GALNT17: variants seen among roughly 807,000 people sequenced by gnomAD.
The protein encoded by GALNT17 is UDP-GalNAc:polypeptide N-acetylgalactosaminyltransferase-like 3.
A neutral mutation model predicts 63.7 loss-of-function variants in GALNT17; 29 were observed. The observed-to-expected ratio is 0.46, with a 90% CI of 0.34 to 0.62. GALNT17 has a LOEUF of 0.62. Among genes scored for constraint, GALNT17 ranks in the 20% least tolerant of loss-of-function variants. The probability of loss-of-function intolerance (pLI) is 0.01; values close to 1 mark genes in which losing one functional copy is unlikely to be tolerated. For missense variants in GALNT17, 603 were observed against 799.6 expected, an observed-to-expected ratio of 0.75 and a Z score of 2.97; for synonymous variants, 305 against 318.3, an observed-to-expected ratio of 0.96 and a Z score of 0.45.
chr7:71,235,655 G>T (rs915687279), intron 1 of GALNT17, among the ~76,000 whole-genome samples: 2 of 152,156 alleles, frequency 1.3e-5, no homozygotes, highest in Non-Finnish European at 2.9e-5. Flanking sequence ...TCCCAGCACC[G>T]CATTCAGGCT....
At position 71,290,750 on chromosome 7, in the gene GALNT17, A is replaced by G. The variant is rs191795334; in HGVS notation, c.239-44800A>G. Among the ~76,000 whole-genome samples the G allele has an allele frequency of 2.6e-5, 4 of 152,210 alleles. No individual in the cohort carries two copies. The East Asian group carries it at 7.7e-4, about 29-fold the overall frequency. ...AAGTTCCATTTGCATGTATTATTCC[A>G]TTCTCTATGATTCCCTGCTGTGGGT... is the stretch of plus-strand genomic sequence containing the variant. On this transcript the variant is annotated intron_variant, in intron 1 of 10. Transcript: ENST00000333538.
At chr7:71,673,867 C>T (rs1302672130) in intron 8 of GALNT17, among the ~76,000 whole-genome samples, 2 of 152,236 alleles carry the variant, frequency 1.3e-5, no homozygotes, top group Non-Finnish European at 2.9e-5. Context: ...AATTCTCCCA[C>T]TTCCGCCTCC....
chr7:71,693,597 G>A (rs1017694038), intron 9 of GALNT17, among the ~76,000 whole-genome samples: 1 of 150,944 alleles, frequency 6.6e-6, no homozygotes, highest in Non-Finnish European at 1.5e-5. Context: ...TCTGAATTAT[G>A]AGAACACGTG....
chr7:71,347,961 T>G (rs1480265669), intron 2 of GALNT17, among the ~76,000 whole-genome samples: 1 of 152,208 alleles, frequency 6.6e-6, no homozygotes, highest in Admixed American at 6.6e-5. Flanking sequence ...AAGTAATTTT[T>G]CCTTGAAAAG....
At chr7:71,372,351 A>G (rs1003157943) in intron 2 of GALNT17, among the ~76,000 whole-genome samples, 1 of 151,720 alleles carries the variant, frequency 6.6e-6, no homozygotes, top group Admixed American at 6.6e-5. Flanking sequence ...TTTTAGTAGA[A>G]ACAGGGTTTT....
Position 71,362,558 on chromosome 7 carries a change from T to A in GALNT17, c.423-25677T>A, listed in dbSNP as rs553513653. On this transcript the variant is annotated intron_variant, in intron 2 of 10. Transcript: ENST00000333538. ...CAAGATTAACAAAGAAATTCATTGATCCCATTTTGCCTCCTTAATGCCTGT... is the reference window on the plus strand; with the variant it reads ...CAAGATTAACAAAGAAATTCATTGAACCCATTTTGCCTCCTTAATGCCTGT... Among the ~76,000 whole-genome samples the A allele has an allele frequency of 2.0e-5, 3 of 152,282 alleles. No individual in the cohort carries two copies. In the East Asian group the frequency reaches 5.8e-4, roughly 29 times the overall value.
At chr7:71,507,622 C>T (rs78031879) in intron 5 of GALNT17, among the ~76,000 whole-genome samples, 3,693 of 152,260 alleles carry the variant, frequency 0.024, 53 homozygotes, top group African/African-American at 0.038. Context: ...TGTCTATAGA[C>T]GCCACTGGGC....
intron 5 of GALNT17, among the ~76,000 whole-genome samples, chr7:71,502,210 A>G (rs527991397): frequency 3.3e-5 from 5 of 152,318 alleles, no homozygotes; most frequent in South Asian, 2.1e-4. Context: ...TGCTGTGTCT[A>G]TTCCTCACCA....
chr7:71,389,153 A>C (rs1793005184), intron 3 of GALNT17, among the ~76,000 whole-genome samples: 1 of 150,648 alleles, frequency 6.6e-6, no homozygotes, highest in Non-Finnish European at 1.5e-5. Context: ...TTTTTTTTTG[A>C]GATGGAGTCT....
chr7:71,545,489 T>C (rs1788967731), intron 5 of GALNT17, among the ~76,000 whole-genome samples: 1 of 152,088 alleles, frequency 6.6e-6, no homozygotes, highest in African/African-American at 2.4e-5. Context: ...GTAGCTGGGA[T>C]TACAGGCACG....
At position 71,143,423 on chromosome 7, in the gene GALNT17, AAAG is replaced by A. The variant is rs1188397023; in HGVS notation, c.238+10386_238+10388del. On this transcript the variant is annotated intron_variant, in intron 1 of 10. Coordinates refer to ENST00000333538, the MANE Select transcript of GALNT17 (RefSeq NM_022479.3). ...AGACTGTCTCAAAAAAAAAAAAAAA[AAAG>A]AAAGAAAAGAAATGGATGCCCTTGA... Among the ~76,000 whole-genome samples the A allele has an allele frequency of 2.6e-3, 396 of 150,944 alleles. 2 individuals carry two copies. The highest frequency in any genetic ancestry group is 4.7e-3 in the Non-Finnish European group (316 of 67,528).
At chr7:71,464,817 G>C (rs758618937) in intron 5 of GALNT17, among the ~76,000 whole-genome samples, 1 of 152,042 alleles carries the variant, frequency 6.6e-6, no homozygotes, top group Non-Finnish European at 1.5e-5. Context: ...GTCTAGTCTT[G>C]TTCTCCCCAG....
intron 6 of GALNT17, among the ~76,000 whole-genome samples, chr7:71,626,021 A>G (rs1258316439): frequency 6.6e-6 from 1 of 152,146 alleles, no homozygotes; most frequent in Non-Finnish European, 1.5e-5. Flanking sequence ...CAAGGCAGGC[A>G]GATCACAAGG....
chr7:71,626,121 G>A (rs1790372130), intron 6 of GALNT17, among the ~76,000 whole-genome samples: 1 of 152,022 alleles, frequency 6.6e-6, no homozygotes, highest in African/African-American at 2.4e-5. Flanking sequence ...GCACGTGCCT[G>A]TAGTCCCAGC....
intron 1 of GALNT17, among the ~76,000 whole-genome samples, chr7:71,235,581 A>G (rs71549394): frequency 6.6e-6 from 1 of 152,208 alleles, no homozygotes; most frequent in African/African-American, 2.4e-5. Flanking sequence ...ATACAGAAGA[A>G]CAAAATAAAA....
At chr7:71,370,339 C>CG (rs1386645737) in intron 2 of GALNT17, among the ~76,000 whole-genome samples, 1 of 152,066 alleles carries the variant, frequency 6.6e-6, no homozygotes, top group Non-Finnish European at 1.5e-5. Context: ...CTTTTTGAGG[C>CG]GGGGGCTGAA....
intron 1 of GALNT17, among the ~76,000 whole-genome samples, chr7:71,268,584 TAA>T (rs1250535773): frequency 2.0e-5 from 3 of 149,532 alleles, no homozygotes; most frequent in African/African-American, 7.4e-5. Context: ...AATAAATAAA[TAA>T]ATAAATATTA....
intron 3 of GALNT17, among the ~76,000 whole-genome samples, chr7:71,414,977 G>A (rs887976016): frequency 2.1e-5 from 3 of 145,346 alleles, no homozygotes; most frequent in African/African-American, 8.2e-5. Context: ...TGCACACAAA[G>A]TATCACTTTT....
At chr7:71,313,072 G>A (rs1791438945) in intron 1 of GALNT17, among the ~76,000 whole-genome samples, 1 of 152,108 alleles carries the variant, frequency 6.6e-6, no homozygotes, top group African/African-American at 2.4e-5. Flanking sequence ...TTCTGCCACT[G>A]CACTCCAGTC....
Sources: allele counts gnomAD v4.1 joint callset (sites outside exome capture counted in the v4.1 genomes callset), GRCh38; gene constraint gnomAD v4.1.1; transcripts MANE v1.5; gene names NCBI Gene and HGNC (gene_info 2026-07-23, HGNC 2026-07-21).